The following LMF1 variants were observed in gnomAD, a reference collection of about 807,000 sequenced individuals.
The protein encoded by LMF1 is lipase maturation factor 1, also known as transmembrane protein 112.
In LMF1, 68 loss-of-function variants were observed where a neutral mutation model predicts 60.6. That is an observed-to-expected ratio of 1.12 (90% CI 0.92 to 1.37). The LOEUF (loss-of-function observed/expected upper bound fraction) is 1.37. LMF1 is among the 40% of genes most tolerant of loss of function. The pLI, the probability that LMF1 is intolerant of heterozygous loss-of-function variation, is 0.00. For missense variants in LMF1, 948 were observed against 767.2 expected (o/e 1.24, Z -2.78); for synonymous variants, 418 against 324.7 (o/e 1.29, Z -3.09).
chr16:893,209 C>G (rs140554255), intron 4 of LMF1, 137 bp from the exon 5 acceptor site: 5 of 751,666 alleles, frequency 6.7e-6, no homozygotes, highest in Non-Finnish European at 1.2e-5. Flanking sequence ...AGGGAGGGGA[C>G]CTTACGTATG....
chr16:933,568 T>TATCA, intron 3 of LMF1: 16 of 189,422 alleles, frequency 8.4e-5, no homozygotes, highest in South Asian at 3.4e-4. Context: ...GGCCAGGGCC[T>TATCA]TTACCAGCAA....
At chr16:967,339 G>C (rs951316960) in intron 1 of LMF1, among the ~76,000 whole-genome samples, 1 of 152,210 alleles carries the variant, frequency 6.6e-6, no homozygotes, top group African/African-American at 2.4e-5. Context: ...GTCGACGCAC[G>C]ACCCTGGGGG....
In LMF1 at chr16:872,376, T is replaced by C. The variant is rs561456607; in HGVS notation, c.898-1035A>G. On this transcript the variant is annotated intron_variant, in intron 6 of 10. Transcript: ENST00000262301. ...CGTGAGGGCAGCCACATCAGTGTTATGGGCGATGATGGTGTTTTATGAACT... is the reference window on the plus strand; with the variant it reads ...CGTGAGGGCAGCCACATCAGTGTTACGGGCGATGATGGTGTTTTATGAACT... The C allele has an allele frequency of 4.6e-5, 7 of 152,358 alleles. No homozygotes were observed. In the East Asian group the frequency reaches 9.6e-4, roughly 21 times the overall value. The allele number at this position is 152,358 out of a possible 1,614,324, so 9.4% of individuals were successfully genotyped here.
chr16:877,112 C>G (rs1196844981), intron 6 of LMF1, among the ~76,000 whole-genome samples: 3 of 152,172 alleles, frequency 2.0e-5, no homozygotes, highest in African/African-American at 7.2e-5. Flanking sequence ...AGGAGGAGTG[C>G]TCGAGCCCTG....
intron 3 of LMF1, among the ~76,000 whole-genome samples, chr16:912,510 A>T (rs111340136): frequency 5.4e-4 from 83 of 152,364 alleles, no homozygotes; most frequent in African/African-American, 1.9e-3. Context: ...GATGTGCGCC[A>T]ATTACTGAAT....
chr16:964,000 C>G (rs975788864), intron 1 of LMF1: 12 of 455,588 alleles, frequency 2.6e-5, no homozygotes, highest in Non-Finnish European at 5.3e-5. Context: ...CGGGAGGCAG[C>G]AGAGCCATGG....
upstream of LMF1, among the ~76,000 whole-genome samples, chr16:974,412 C>CT (rs1365546853): frequency 6.6e-6 from 1 of 152,140 alleles, no homozygotes; most frequent in East Asian, 1.9e-4. Context: ...AGCAAAAACT[C>CT]TAAGAGAAAA....
At chr16:932,401 C>T (rs1017750796) in intron 3 of LMF1, among the ~76,000 whole-genome samples, 4 of 152,326 alleles carry the variant, frequency 2.6e-5, no homozygotes, top group East Asian at 3.9e-4. Context: ...ACAGCCCCCG[C>T]GGTGCTGACC....
intron 10 of LMF1, among the ~76,000 whole-genome samples, chr16:860,124 C>T (rs1281597440): frequency 6.6e-6 from 1 of 151,896 alleles, no homozygotes; most frequent in Non-Finnish European, 1.5e-5. Flanking sequence ...AACTTCTTTA[C>T]ATATTCCAGA....
intron 5 of LMF1, among the ~76,000 whole-genome samples, chr16:883,336 C>A (rs748693200): frequency 6.6e-6 from 1 of 152,232 alleles, no homozygotes; most frequent in Admixed American, 6.5e-5. Flanking sequence ...AGCCGCCCAG[C>A]GAAGCCCATC....
chr16:853,803 G>C lies in LMF1; in HGVS notation c.*729C>G, dbSNP rs1474928287. On this transcript the variant is annotated 3_prime_UTR_variant, in exon 11 of 11. Coordinates refer to ENST00000262301, the MANE Select transcript of LMF1 (RefSeq NM_022773.4). ...ATTGAGGGGCCTTGTCAAGGCCTCA[G>C]AGGCAGCGAGGTCACAGCCTGGTGG... The C allele has an allele frequency of 2.2e-6, 1 of 454,040 alleles. No individual in the cohort carries two copies. The highest frequency in any genetic ancestry group is 2.0e-5 in the African/African-American group (1 of 50,018). 28.1% of individuals were successfully genotyped at this position (454,040 alleles called of 1,614,324 possible). A position where few individuals can be genotyped will look rare whatever the true frequency, so the allele number is the denominator to read the frequency against.
chr16:879,934 A>G (rs2070115373), intron 5 of LMF1, among the ~76,000 whole-genome samples, 197 bp from the exon 6 acceptor site: 1 of 152,248 alleles, frequency 6.6e-6, no homozygotes, highest in Non-Finnish European at 1.5e-5. Flanking sequence ...CTTTTGAAGC[A>G]AAAGCAAAGT....
intron 3 of LMF1, among the ~76,000 whole-genome samples, chr16:920,015 CA>C (rs2151765374): frequency 6.6e-6 from 1 of 152,262 alleles, no homozygotes; most frequent in African/African-American, 2.4e-5. Flanking sequence ...TGTCGGCCCC[CA>C]GCACAACATC....
chr16:971,111 T>C (rs1295398924), upstream of LMF1: 2 of 984,794 alleles, frequency 2.0e-6, no homozygotes, highest in Non-Finnish European at 2.7e-6. Flanking sequence ...GAGGCCCCGC[T>C]CACAGTCCCG....
intron 4 of LMF1, among the ~76,000 whole-genome samples, chr16:910,311 G>A (rs1014014727): frequency 2.0e-5 from 3 of 152,052 alleles, no homozygotes; most frequent in Admixed American, 6.5e-5. Flanking sequence ...ACAGCCCGCC[G>A]CCCCCACACC....
chr16:893,344 C>G, intron 4 of LMF1: 1 of 574,868 alleles, frequency 1.7e-6, no homozygotes, highest in Non-Finnish European at 3.3e-6. Flanking sequence ...CACTCATTCT[C>G]AGAGCTCCAC....
At chr16:921,369 G>A (rs924629616) in intron 3 of LMF1, among the ~76,000 whole-genome samples, 30 of 152,338 alleles carry the variant, frequency 2.0e-4, no homozygotes, top group African/African-American at 7.2e-4. Context: ...TCCTGGGTGG[G>A]CACACGGACC....
chr16:942,124 G>A (rs544447077), intron 2 of LMF1, among the ~76,000 whole-genome samples: 30 of 152,168 alleles, frequency 2.0e-4, no homozygotes, highest in South Asian at 4.1e-4. Flanking sequence ...TCAGTTTTCC[G>A]TTATCTGAAA....
At chr16:859,170 G>A (rs1216563539) in intron 10 of LMF1, among the ~76,000 whole-genome samples, 196 of 131,224 alleles carry the variant, frequency 1.5e-3, no homozygotes, top group Admixed American at 2.4e-3. Context: ...GTCTCGGGAC[G>A]GGTGTGAGTG....
Sources: allele counts gnomAD v4.1 joint callset (sites outside exome capture counted in the v4.1 genomes callset), GRCh38; gene constraint gnomAD v4.1.1; transcripts MANE v1.5; gene names NCBI Gene and HGNC (gene_info 2026-07-23, HGNC 2026-07-21).